The following CABCOCO1 variants were observed in gnomAD, a reference collection of about 807,000 sequenced individuals.
CABCOCO1 encodes ciliary associated calcium binding coiled-coil 1.
Under a neutral mutation model 35.7 loss-of-function variants are expected in CABCOCO1, and 28 were observed. The ratio of observed to expected loss-of-function variants is 0.78; its 90% CI spans 0.58 to 1.07. CABCOCO1 has a LOEUF of 1.07. Among genes scored for constraint, CABCOCO1 ranks in the 50% least tolerant of loss-of-function variants. The pLI is 0.00. For synonymous variants in CABCOCO1, 95 were observed against 100.1 expected (o/e 0.95, Z 0.30); for missense variants, 326 against 309.2 (o/e 1.05, Z -0.41).
intron 3 of CABCOCO1, among the ~76,000 whole-genome samples, chr10:61,683,379 G>C (rs1349619209): frequency 6.6e-6 from 1 of 151,978 alleles, no homozygotes; most frequent in East Asian, 1.9e-4. Context: ...GGGCAACATG[G>C]AGAAACCCCA....
chr10:61,738,351 A>G (rs1841472021), intron 5 of CABCOCO1, among the ~76,000 whole-genome samples: 1 of 152,190 alleles, frequency 6.6e-6, no homozygotes, highest in Non-Finnish European at 1.5e-5. Context: ...ACAGCTTGGT[A>G]CTGTCTATTT....
chr10:61,730,652 G>T (rs1037257715), intron 5 of CABCOCO1, among the ~76,000 whole-genome samples: 4 of 151,974 alleles, frequency 2.6e-5, no homozygotes, highest in Non-Finnish European at 5.9e-5. Context: ...ATTATTAACT[G>T]TTTATTAAGT....
chr10:61,675,581 T>C (rs1043006475), intron 2 of CABCOCO1, among the ~76,000 whole-genome samples: 3 of 152,134 alleles, frequency 2.0e-5, no homozygotes, highest in Non-Finnish European at 4.4e-5. Context: ...TATGCAAATA[T>C]TCAGGGCAAA....
intron 5 of CABCOCO1, 28 bp from the exon 6 acceptor site, chr10:61,760,031 C>T (rs1022508432): frequency 6.2e-7 from 1 of 1,611,650 alleles, no homozygotes; most frequent in Non-Finnish European, 8.5e-7. Flanking sequence ...AAGGCTCTGT[C>T]ATAATTCAAC....
chr10:61,689,267 G>GT (rs1256149014), intron 4 of CABCOCO1, among the ~76,000 whole-genome samples: 2 of 152,116 alleles, frequency 1.3e-5, no homozygotes, highest in African/African-American at 4.8e-5. Flanking sequence ...GGTAACCAGC[G>GT]TAAGTTAGGG....
intron 5 of CABCOCO1, among the ~76,000 whole-genome samples, chr10:61,732,873 A>G (rs1387724705): frequency 1.3e-5 from 2 of 152,118 alleles, no homozygotes; most frequent in Non-Finnish European, 2.9e-5. Flanking sequence ...AACTAGTGAA[A>G]TTGAAAGTTA....
rs189045279 is a variant in CABCOCO1, at chr10:61,760,379, C to T, written c.675+198C>T. On this transcript the variant is annotated intron_variant, in intron 6 of 7. Coordinates refer to ENST00000648843, the MANE Select transcript of CABCOCO1 (RefSeq NM_001366906.2). ...CAATTTTAATCTTTTCCACCCTACCCTTCCTAATCTCCACCTTCACTTTCC... is the reference window on the plus strand; with the variant it reads ...CAATTTTAATCTTTTCCACCCTACCTTTCCTAATCTCCACCTTCACTTTCC... Among the ~76,000 whole-genome samples the T allele has an allele frequency of 2.6e-3, 390 of 152,138 alleles. 5 individuals are homozygous for T. The highest frequency in any genetic ancestry group is 8.7e-3 in the African/African-American group (360 of 41,516).
In CABCOCO1 at chr10:61,753,807, G is replaced by A. The variant is rs529245782; in HGVS notation, c.553-6252G>A. On this transcript the variant is annotated intron_variant, in intron 5 of 7. Coordinates refer to ENST00000648843, the MANE Select transcript of CABCOCO1 (RefSeq NM_001366906.2). ...AGGTCTCAAAAGAGAAGTTGTTTGG[G>A]ACCAAGGAACTCTTCAAATAACGTG... Among the ~76,000 whole-genome samples, 36 of 152,172 alleles carry A rather than the reference G, an allele frequency of 2.4e-4. 1 individual carries two copies. In the South Asian group the frequency reaches 7.5e-3, roughly 32 times the overall value.
intron 1 of CABCOCO1, among the ~76,000 whole-genome samples, chr10:61,664,063 A>T (rs1007474697): frequency 2.6e-5 from 4 of 152,160 alleles, no homozygotes; most frequent in Non-Finnish European, 5.9e-5. Context: ...TTGCTCAGAG[A>T]TATATAAGCT....
In CABCOCO1 at chr10:61,766,001, GA is replaced by G; in HGVS notation, c.884del (p.Lys295ArgfsTer10). On this transcript the variant is annotated frameshift_variant, in exon 8 of 8. Coordinates refer to ENST00000648843, the MANE Select transcript of CABCOCO1 (RefSeq NM_001366906.2). LOFTEE classifies it high-confidence loss of function. The part of the protein sequence containing the change: ...EAFNARIEKL[K>X]KA ...CCTTTAATGCACGAATAGAAAAATT[GA>G]AAAAGGCCTAAGGACTTGGTACAAG... is the stretch of plus-strand genomic sequence containing the variant. 3 of 1,612,730 alleles carry G rather than the reference GA, an allele frequency of 1.9e-6. No individual in the cohort carries two copies. Among genetic ancestry groups the G allele is most frequent in the Non-Finnish European group, 2.5e-6 (3 of 1,179,092 alleles).
chr10:61,752,976 A>G (rs1017714786), intron 5 of CABCOCO1, among the ~76,000 whole-genome samples: 1 of 152,176 alleles, frequency 6.6e-6, no homozygotes, highest in Non-Finnish European at 1.5e-5. Flanking sequence ...CAGGAAGTGC[A>G]TGAAAAAAGA....
intron 1 of CABCOCO1, among the ~76,000 whole-genome samples, chr10:61,670,697 A>C (rs574768261): frequency 6.6e-6 from 1 of 152,096 alleles, no homozygotes; most frequent in Admixed American, 6.5e-5. Flanking sequence ...GCACTGAAAA[A>C]CATTTGCCCT....
At chr10:61,702,005 G>C (rs1201526823) in intron 5 of CABCOCO1, 4 of 186,034 alleles carry the variant, frequency 2.2e-5, no homozygotes, top group African/African-American at 9.5e-5. Context: ...GAAATGGAAG[G>C]GATGAGATGT....
At chr10:61,678,206 G>A (rs1839584002) in intron 2 of CABCOCO1, among the ~76,000 whole-genome samples, 1 of 151,938 alleles carries the variant, frequency 6.6e-6, no homozygotes. Flanking sequence ...TCATATATTG[G>A]GTCTGTTTCT....
chr10:61,681,134 A>T lies in CABCOCO1; in HGVS notation c.165-9A>T. On this transcript the variant is annotated splice_polypyrimidine_tract_variant and intron_variant, in intron 2 of 7. Coordinates refer to ENST00000648843, the MANE Select transcript of CABCOCO1 (RefSeq NM_001366906.2). ...GAATTAATATGTGGATTTTTGTTTTATTTTACAGAAAACTGAGAATATTTT... is the reference window on the plus strand; with the variant it reads ...GAATTAATATGTGGATTTTTGTTTTTTTTTACAGAAAACTGAGAATATTTT... The T allele has an allele frequency of 7.1e-7, 1 of 1,413,486 alleles. No individual in the cohort carries two copies. The highest frequency in any genetic ancestry group is 9.4e-7 in the Non-Finnish European group (1 of 1,058,552). The allele number at this position is 1,413,486 out of a possible 1,614,324, so 87.6% of individuals were successfully genotyped here. A position where few individuals can be genotyped will look rare whatever the true frequency, so the allele number is the denominator to read the frequency against.
intron 5 of CABCOCO1, among the ~76,000 whole-genome samples, chr10:61,700,542 T>C (rs1284705740): frequency 2.0e-5 from 3 of 152,118 alleles, no homozygotes; most frequent in Admixed American, 2.0e-4. Flanking sequence ...CATTCTCATA[T>C]ATTGCTGGGA....
intron 5 of CABCOCO1, among the ~76,000 whole-genome samples, chr10:61,759,141 C>G (rs1423309365): frequency 2.6e-5 from 4 of 151,778 alleles, no homozygotes; most frequent in African/African-American, 9.7e-5. Flanking sequence ...TGGCTTCATC[C>G]CTGGGCCACA....
At chr10:61,739,835 G>A (rs761832644) in intron 5 of CABCOCO1, among the ~76,000 whole-genome samples, 2 of 152,158 alleles carry the variant, frequency 1.3e-5, no homozygotes, top group African/African-American at 2.4e-5. Context: ...CCAGCTACAC[G>A]GGAGGCTGAG....
At chr10:61,698,467 A>T (rs962766785) in intron 5 of CABCOCO1, among the ~76,000 whole-genome samples, 1 of 152,138 alleles carries the variant, frequency 6.6e-6, no homozygotes, top group Admixed American at 6.6e-5. Context: ...TGATATACTT[A>T]GAAAGATATT....
Sources: allele counts gnomAD v4.1 joint callset (sites outside exome capture counted in the v4.1 genomes callset), GRCh38; gene constraint gnomAD v4.1.1; transcripts MANE v1.5; gene names NCBI Gene and HGNC (gene_info 2026-07-23, HGNC 2026-07-21).